Variants in DIP2C observed in about 807,000 individuals in gnomAD.
The protein encoded by DIP2C is disco-interacting protein 2 homolog C.
In DIP2C, 33 loss-of-function variants were observed where a neutral mutation model predicts 192.4. That is an observed-to-expected ratio of 0.17 (90% CI 0.13 to 0.23). DIP2C has a LOEUF of 0.23. Ranked by LOEUF, DIP2C falls within the 10% of genes least tolerant of loss-of-function variation. DIP2C has a pLI of 1.00. For synonymous variants in DIP2C, 979 were observed against 864.1 expected, an observed-to-expected ratio of 1.13 and a Z score of -2.33; for missense variants, 1,537 against 2,110.1, an observed-to-expected ratio of 0.73 and a Z score of 5.32.
chr10:490,268 T>A (rs1232821013), intron 1 of DIP2C, among the ~76,000 whole-genome samples: 4 of 152,272 alleles, frequency 2.6e-5, no homozygotes, highest in South Asian at 4.1e-4. Context: ...CCTGCCTCTC[T>A]TCTCTCCCTC....
chr10:649,151 C>T (rs903372869), intron 1 of DIP2C, among the ~76,000 whole-genome samples: 10 of 131,124 alleles, frequency 7.6e-5, no homozygotes, highest in South Asian at 7.4e-4. Flanking sequence ...CCACAGTGGA[C>T]GGTGGGCGAG....
chr10:532,623 GT>G (rs1847450324), intron 1 of DIP2C, among the ~76,000 whole-genome samples: 1 of 129,296 alleles, frequency 7.7e-6, no homozygotes, highest in African/African-American at 3.3e-5. Context: ...GTGAGAGAGA[GT>G]ATGGGTGTGA....
intron 29 of DIP2C, chr10:340,993 C>G: frequency 1.4e-6 from 1 of 713,132 alleles, no homozygotes; most frequent in Non-Finnish European, 2.5e-6. Flanking sequence ...TCCTTCCCTG[C>G]TGCAGAAAGT....
intron 1 of DIP2C, among the ~76,000 whole-genome samples, chr10:606,986 G>A (rs1852537258): frequency 6.6e-6 from 1 of 152,200 alleles, no homozygotes; most frequent in African/African-American, 2.4e-5. Flanking sequence ...ACTCATGTAC[G>A]TGGCAGAAAT....
chr10:340,260 A>G (rs989332328), intron 29 of DIP2C, among the ~76,000 whole-genome samples: 1 of 152,102 alleles, frequency 6.6e-6, no homozygotes, highest in African/African-American at 2.4e-5. Context: ...TCAGTTTTAT[A>G]AATATATTAA....
At chr10:557,202 T>C (rs1313709778) in intron 1 of DIP2C, among the ~76,000 whole-genome samples, 4 of 152,172 alleles carry the variant, frequency 2.6e-5, no homozygotes, top group Non-Finnish European at 5.9e-5. Context: ...GAGGGACCGG[T>C]GTGGAGGACC....
At chr10:585,730 G>A (rs969592758) in intron 1 of DIP2C, among the ~76,000 whole-genome samples, 30 of 152,114 alleles carry the variant, frequency 2.0e-4, no homozygotes, top group Admixed American at 7.9e-4. Flanking sequence ...GCCGCTGCAA[G>A]GTACAACCAG....
intron 1 of DIP2C, among the ~76,000 whole-genome samples, chr10:515,304 G>A (rs1352132086): frequency 1.3e-5 from 2 of 152,150 alleles, no homozygotes; most frequent in East Asian, 1.9e-4. Context: ...GGTAGATTGT[G>A]GCCTATATTT....
At chr10:369,809 C>T (rs757759927) in intron 17 of DIP2C, 176 bp from the exon 18 acceptor site, 1 of 1,311,706 alleles carries the variant, frequency 7.6e-7, no homozygotes, top group South Asian at 1.4e-5. Flanking sequence ...TGTTTATGAA[C>T]AGCTGGCAGC....
intron 9 of DIP2C, among the ~76,000 whole-genome samples, chr10:407,894 T>A (rs758426398): frequency 6.6e-6 from 1 of 152,240 alleles, no homozygotes; most frequent in Non-Finnish European, 1.5e-5. Context: ...ACTCTCTTGA[T>A]AGTACTCTTT....
At chr10:321,600 G>A (rs1048967353) in intron 31 of DIP2C, among the ~76,000 whole-genome samples, 208 of 132,728 alleles carry the variant, frequency 1.6e-3, no homozygotes, top group African/African-American at 4.2e-3. Flanking sequence ...GCGAGAGACC[G>A]GCGCTGTTAG....
At chr10:532,188 G>A (rs1453341122) in intron 1 of DIP2C, among the ~76,000 whole-genome samples, 1 of 152,132 alleles carries the variant, frequency 6.6e-6, no homozygotes, top group Admixed American at 6.5e-5. Flanking sequence ...TGTATTGCAT[G>A]GATGTAAACC....
In DIP2C at chr10:495,946, T is replaced by C. The variant is rs553893767; in HGVS notation, c.86-9416A>G. On this transcript the variant is annotated intron_variant, in intron 1 of 36. Coordinates refer to ENST00000280886, the MANE Select transcript of DIP2C (RefSeq NM_014974.3). ...CTGAGTACACAGAACCCACGGTGCC[T>C]TCCCGTGTACTTAAAATCTCTCCAT... Among the ~76,000 whole-genome samples, 26 of 134,216 alleles carry C rather than the reference T, an allele frequency of 1.9e-4. No individual in the cohort carries two copies. The East Asian group carries it at 2.4e-3, about 12-fold the overall frequency. The allele number at this position is 134,216 out of a possible 152,430, so 88.1% of individuals were successfully genotyped here.
chr10:362,591 G>A lies in DIP2C; in HGVS notation c.2693C>T (p.Thr898Ile). ...TPLGGIHLSE[T>I]KQLFLEGSLH... ...AGAGCCCTCCAGAAAAAGCTGTTTT[G>A]TTTCTGATAAATGGATCCCACCAAG... Residue 898 changes from threonine to isoleucine, a missense_variant, in exon 22 of 37, where the codon ACA becomes ATA. Coordinates refer to ENST00000280886, the MANE Select transcript of DIP2C (RefSeq NM_014974.3). 2 of 1,614,166 alleles carry A rather than the reference G, an allele frequency of 1.2e-6. No individual in the cohort carries two copies. Among genetic ancestry groups the A allele is most frequent in the Non-Finnish European group, 8.5e-7 (1 of 1,180,022 alleles).
At chr10:294,897 T>A (rs895555869) in intron 32 of DIP2C, among the ~76,000 whole-genome samples, 2 of 151,972 alleles carry the variant, frequency 1.3e-5, no homozygotes, top group Non-Finnish European at 2.9e-5. Flanking sequence ...AAAGAATACA[T>A]TTGCAAACTA....
intron 10 of DIP2C, among the ~76,000 whole-genome samples, chr10:397,408 T>TA (rs1340465514): frequency 5.5e-4 from 83 of 151,832 alleles, no homozygotes; most frequent in Non-Finnish European, 8.8e-5. Context: ...CACACGCCTG[T>TA]AATCTCAGCT....
Position 329,541 on chromosome 10 carries a change from G to A in DIP2C, c.3645C>T (p.Ala1215=). ...ACTGACTCACGGCAAGAAGCCACAA[G>A]GCGGGGTTGGTTTCCAGCTCAGAGG... ...IPPSELETNP[A]LWLLAVSQYK... is the part of the protein sequence containing the mutation. The change falls in exon 30 of 37, where the codon GCC becomes GCT. Residue 1215 remains alanine, a synonymous_variant. Coordinates refer to ENST00000280886, the MANE Select transcript of DIP2C (RefSeq NM_014974.3). 2 of 1,614,238 alleles carry A rather than the reference G, an allele frequency of 1.2e-6. No homozygotes were observed. Among genetic ancestry groups the A allele is most frequent in the African/African-American group, 1.3e-5 (1 of 75,056 alleles).
chr10:679,093 C>T (rs1471744004), intron 1 of DIP2C, among the ~76,000 whole-genome samples: 1 of 29,844 alleles, frequency 3.4e-5, no homozygotes, highest in African/African-American at 7.7e-5. Flanking sequence ...CCGTGCTCCC[C>T]GCACCCATCT....
chr10:529,626 G>C (rs999327454), intron 1 of DIP2C, among the ~76,000 whole-genome samples: 2 of 152,188 alleles, frequency 1.3e-5, no homozygotes, highest in African/African-American at 4.8e-5. Context: ...AACGATCAGG[G>C]TGGGAGGGCA....
Sources: gnomAD v4.1 joint callset for allele counts (sites outside exome capture counted in the v4.1 genomes callset) on GRCh38, gnomAD v4.1.1 for gene constraint, MANE v1.5 for transcripts, NCBI Gene and HGNC (gene_info 2026-07-23, HGNC 2026-07-21) for gene names.